Variants in ZNF678 observed in about 807,000 individuals in gnomAD.
ZNF678 encodes zinc finger protein 678, also known as hypothetical protein MGC42493.
Under a neutral mutation model 3.0 loss-of-function variants are expected in ZNF678, and 5 were observed. The observed-to-expected ratio is 1.69, with a 90% CI of 0.88 to 3.56. ZNF678 has a LOEUF of 3.56. Ranked by LOEUF, ZNF678 falls within the 30% of genes most tolerant of loss-of-function variation. ZNF678 has a pLI of 0.00. For synonymous variants in ZNF678, 218 were observed against 199.6 expected (o/e 1.09, Z -0.78); for missense variants, 593 against 605.0 (o/e 0.98, Z 0.21).
intron 1 of ZNF678, among the ~76,000 whole-genome samples, chr1:227,644,427 C>A (rs903989184): frequency 5.9e-5 from 9 of 152,146 alleles, no homozygotes; most frequent in Admixed American, 5.9e-4. Context: ...ACATTGTGGT[C>A]CTCTTTAAAC....
intron 1 of ZNF678, among the ~76,000 whole-genome samples, chr1:227,572,016 T>C (rs1248774940): frequency 6.6e-6 from 1 of 152,222 alleles, no homozygotes; most frequent in African/African-American, 2.4e-5. Context: ...CACTCCAGCG[T>C]GGGCAACAGA....
In ZNF678 at chr1:227,657,304, A is replaced by T. The variant is rs1378724741; in HGVS notation, c.*1476A>T. The T allele has an allele frequency of 6.6e-6, 1 of 151,996 alleles. No homozygotes were observed. Among genetic ancestry groups the T allele is most frequent in the African/African-American group, 2.4e-5 (1 of 41,422 alleles). The allele number at this position is 151,996 out of a possible 1,614,324, so 9.4% of individuals were successfully genotyped here. A position where few individuals can be genotyped will look rare whatever the true frequency, so the allele number is the denominator to read the frequency against. On this transcript the variant is annotated 3_prime_UTR_variant, in exon 4 of 4. Transcript: ENST00000343776. Reference sequence around the variant, plus strand: ...AAAAGCTTCCTGAGGCCTCATCAGAAGTTAAGCAGATGTTGATGTCATGCT... The same window carrying T: ...AAAAGCTTCCTGAGGCCTCATCAGATGTTAAGCAGATGTTGATGTCATGCT...
At chr1:227,575,516 G>A (rs866371862) in intron 1 of ZNF678, among the ~76,000 whole-genome samples, 1 of 152,120 alleles carries the variant, frequency 6.6e-6, no homozygotes, top group African/African-American at 2.4e-5. Context: ...TTGTGAGTGG[G>A]ATTGTGTTCT....
At chr1:227,600,970 G>A (rs1657723339) in intron 1 of ZNF678, among the ~76,000 whole-genome samples, 2 of 152,106 alleles carry the variant, frequency 1.3e-5, no homozygotes, top group African/African-American at 4.8e-5. Context: ...AAGGGGTCCC[G>A]TTTCAATCTT....
rs112383136 is a variant in ZNF678 at position 227,590,087 on chromosome 1, G to A, written c.-164+26363G>A. On this transcript the variant is annotated intron_variant, in intron 1 of 3. Coordinates refer to ENST00000343776, the MANE Select transcript of ZNF678 (RefSeq NM_001367909.1). ...CCTTTTACCATTTGAATGAGTGCAGGTAGTAAATAAGGGATCAGTAAGCAG... is the reference window on the plus strand; with the variant it reads ...CCTTTTACCATTTGAATGAGTGCAGATAGTAAATAAGGGATCAGTAAGCAG... 4.6e-5 allele frequency among the ~76,000 whole-genome samples: 7 copies of A among 151,900 alleles called. No homozygotes were observed. The South Asian group carries it at 1.2e-3, about 27-fold the overall frequency.
intron 1 of ZNF678, among the ~76,000 whole-genome samples, chr1:227,591,864 A>G (rs1013848363): frequency 6.6e-6 from 1 of 152,188 alleles, no homozygotes; most frequent in Admixed American, 6.5e-5. Context: ...GAGGAAGGTC[A>G]GTTGAAGTCC....
At position 227,591,374 on chromosome 1, in the gene ZNF678, T is replaced by C. The variant is rs575492812; in HGVS notation, c.-164+27650T>C. 3.3e-5 allele frequency among the ~76,000 whole-genome samples: 5 copies of C among 152,348 alleles called. No individual in the cohort carries two copies. In the East Asian group the frequency reaches 9.6e-4, roughly 29 times the overall value. On this transcript the variant is annotated intron_variant, in intron 1 of 3. Coordinates refer to ENST00000343776, the MANE Select transcript of ZNF678 (RefSeq NM_001367909.1). ...AGGTAGACAGGATTTTTTTCATTTTTTTAAATTTAAGTAGCCTAAATGACA... is the reference window on the plus strand; with the variant it reads ...AGGTAGACAGGATTTTTTTCATTTTCTTAAATTTAAGTAGCCTAAATGACA...
At chr1:227,664,977 T>A (rs554398753), downstream of ZNF678, among the ~76,000 whole-genome samples, 3 of 152,310 alleles carry the variant, frequency 2.0e-5, no homozygotes, top group African/African-American at 7.2e-5. Context: ...TCAGAACTAC[T>A]TTTTTCTAAC....
chr1:227,587,440 T>C (rs2102734202), intron 1 of ZNF678, among the ~76,000 whole-genome samples: 1 of 152,280 alleles, frequency 6.6e-6, no homozygotes, highest in African/African-American at 2.4e-5. Context: ...ACTTTCAGAG[T>C]CTTTAGACTG....
At position 227,635,107 on chromosome 1, in the gene ZNF678, T is replaced by A. The variant is rs531770671; in HGVS notation, c.-163-11437T>A. On this transcript the variant is annotated intron_variant, in intron 1 of 3. Transcript: ENST00000343776. ...AATCAAAAAAAAAAAAAATCTTAAT[T>A]CTCCAAGTTGAATACGTAAGTGAAG... Among the ~76,000 whole-genome samples the A allele has an allele frequency of 8.6e-5, 13 of 151,510 alleles. 1 individual carries two copies. The highest frequency in any genetic ancestry group is 8.5e-4 in the Admixed American group (13 of 15,218).
rs1659241011 is a variant in ZNF678, at chr1:227,656,048, GACTTTATTCA to G, written c.*227_*236del. The G allele has an allele frequency of 2.7e-6, 1 of 372,232 alleles. No individual in the cohort carries two copies. The highest frequency in any genetic ancestry group is 4.6e-6 in the Non-Finnish European group (1 of 216,646). 23.1% of individuals were successfully genotyped at this position (372,232 alleles called of 1,614,324 possible). A position where few individuals can be genotyped will look rare whatever the true frequency, so the allele number is the denominator to read the frequency against. ...GGAAAAACCCTTAAACAATTATTCA[GACTTTATTCA>G]ACTTTAGAGGATTTTACGGGGGCAA... On this transcript the variant is annotated 3_prime_UTR_variant, in exon 4 of 4. Coordinates refer to ENST00000343776, the MANE Select transcript of ZNF678 (RefSeq NM_001367909.1).
chr1:227,598,150 A>T (rs1286913779), intron 1 of ZNF678, among the ~76,000 whole-genome samples: 1 of 152,230 alleles, frequency 6.6e-6, no homozygotes, highest in Non-Finnish European at 1.5e-5. Flanking sequence ...AGCTAAAAGT[A>T]TTAATTTTAT....
intron 1 of ZNF678, among the ~76,000 whole-genome samples, chr1:227,628,636 G>A (rs1658475588): frequency 1.3e-5 from 2 of 152,220 alleles, no homozygotes; most frequent in Non-Finnish European, 2.9e-5. Flanking sequence ...TATTTAACCT[G>A]CTGTAAGCAG....
chr1:227,578,176 T>A (rs1245204473), intron 1 of ZNF678, among the ~76,000 whole-genome samples: 2 of 152,208 alleles, frequency 1.3e-5, no homozygotes, highest in Non-Finnish European at 2.9e-5. Flanking sequence ...ACATTTTTCC[T>A]TTTATTTCAA....
chr1:227,568,272 C>T (rs1656747917), intron 1 of ZNF678, among the ~76,000 whole-genome samples: 1 of 151,974 alleles, frequency 6.6e-6, no homozygotes. Context: ...AATTTGCCAC[C>T]TCCAGCATAA....
At chr1:227,577,485 T>C (rs996882569) in intron 1 of ZNF678, among the ~76,000 whole-genome samples, 2 of 152,244 alleles carry the variant, frequency 1.3e-5, no homozygotes, top group African/African-American at 4.8e-5. Flanking sequence ...TTTACTATTA[T>C]GTAATGCCCT....
intron 1 of ZNF678, among the ~76,000 whole-genome samples, chr1:227,607,708 ATTTATAT>A (rs1657910794): frequency 6.8e-6 from 1 of 147,242 alleles, no homozygotes; most frequent in Non-Finnish European, 1.5e-5. Flanking sequence ...ATTTAAATAT[ATTTATAT>A]TTTATAATAT....
intron 1 of ZNF678, among the ~76,000 whole-genome samples, chr1:227,564,693 T>C (rs1336615640): frequency 2.6e-5 from 4 of 152,204 alleles, no homozygotes; most frequent in Non-Finnish European, 2.9e-5. Context: ...TCACAGAACA[T>C]TGGAGGGCAC....
intron 1 of ZNF678, among the ~76,000 whole-genome samples, chr1:227,624,962 T>G (rs1658372279): frequency 6.6e-6 from 1 of 151,874 alleles, no homozygotes; most frequent in African/African-American, 2.4e-5. Flanking sequence ...GTTGCAAAAT[T>G]TAATAGAGTG....
Sources: gnomAD v4.1 joint callset for allele counts (sites outside exome capture counted in the v4.1 genomes callset) on GRCh38, gnomAD v4.1.1 for gene constraint, MANE v1.5 for transcripts, NCBI Gene and HGNC (gene_info 2026-07-23, HGNC 2026-07-21) for gene names.